Variants in HIP1 observed in about 807,000 individuals in gnomAD.
The protein encoded by HIP1 is huntingtin interacting protein 1.
HIP1 carries 65 observed loss-of-function variants against 147.6 expected under a neutral mutation model. The observed-to-expected ratio is 0.44, with a 90% CI of 0.36 to 0.54. HIP1 has a LOEUF of 0.54. HIP1 is among the 20% of genes least tolerant of loss of function. The probability of loss-of-function intolerance (pLI) is 0.00; values close to 1 mark genes in which losing one functional copy is unlikely to be tolerated. For synonymous variants in HIP1, 479 were observed against 504.0 expected (o/e 0.95, Z 0.67); for missense variants, 1,061 against 1,299.6 (o/e 0.82, Z 2.82).
chr7:75,687,146 C>G (rs1017465766), intron 1 of HIP1, among the ~76,000 whole-genome samples: 9 of 152,096 alleles, frequency 5.9e-5, no homozygotes, highest in Non-Finnish European at 1.2e-4. Flanking sequence ...ACAAAACATC[C>G]CTAATGAAAG....
At chr7:75,576,501 T>C (rs1413390905) in intron 7 of HIP1, among the ~76,000 whole-genome samples, 1 of 151,932 alleles carries the variant, frequency 6.6e-6, no homozygotes, top group Admixed American at 6.6e-5. Flanking sequence ...GTGGGAGGAC[T>C]GCTTGAGGTC....
chr7:75,566,366 G>A (rs781848603), intron 9 of HIP1, among the ~76,000 whole-genome samples: 3 of 151,614 alleles, frequency 2.0e-5, no homozygotes, highest in Non-Finnish European at 2.9e-5. Flanking sequence ...AGCCAGCAGC[G>A]GAGGTCCTGT....
In HIP1 at chr7:75,573,783, C is replaced by T. The variant is rs782320546; in HGVS notation, c.723G>A (p.Lys241=). Residue 241 remains lysine (K), a synonymous_variant, in exon 8 of 31, where the codon AAG becomes AAA. Transcript: ENST00000336926. ...DCSHLYDYTV[K]LLFKLHSCLP... ...CACAGGAGTGGAGTTTGAAGAGAAG[C>T]TTGACAGTGTAGTCATAAAGGTGGC... is the stretch of plus-strand genomic sequence containing the variant. 5 of 1,613,986 alleles carry T rather than the reference C, an allele frequency of 3.1e-6. No individual in the cohort carries two copies. The highest frequency in any genetic ancestry group is 4.2e-6 in the Non-Finnish European group (5 of 1,179,996).
chr7:75,561,088 G>A (rs1226183504), intron 13 of HIP1, among the ~76,000 whole-genome samples: 2 of 151,968 alleles, frequency 1.3e-5, no homozygotes, highest in East Asian at 3.9e-4. Context: ...GAGTAGCTGG[G>A]ATTACAGGTG....
At chr7:75,633,423 G>GC (rs1458618168) in intron 1 of HIP1, among the ~76,000 whole-genome samples, 10 of 152,116 alleles carry the variant, frequency 6.6e-5, no homozygotes, top group Non-Finnish European at 1.2e-4. Flanking sequence ...CTCCCGAGCA[G>GC]CTGGGATTAC....
chr7:75,656,965 A>C (rs1331765905), intron 1 of HIP1, among the ~76,000 whole-genome samples: 1 of 152,240 alleles, frequency 6.6e-6, no homozygotes, highest in Non-Finnish European at 1.5e-5. Flanking sequence ...AGCCACGTTC[A>C]AGGACATTCC....
intron 8 of HIP1, among the ~76,000 whole-genome samples, chr7:75,571,886 G>GAC (rs1795649749): frequency 6.6e-6 from 1 of 151,906 alleles, no homozygotes; most frequent in Non-Finnish European, 1.5e-5. Context: ...GCCCACCCCA[G>GAC]ACACATCATT....
chr7:75,732,426 A>C (rs998790002), intron 1 of HIP1, among the ~76,000 whole-genome samples: 6 of 151,936 alleles, frequency 3.9e-5, no homozygotes, highest in Non-Finnish European at 8.8e-5. Flanking sequence ...TCTGGAGTGC[A>C]GTGGTGTGAT....
In HIP1 at chr7:75,738,852, C is replaced by A. The variant is rs1554523974; in HGVS notation, c.69G>T (p.Gly23=). ...NPLPKVLSRR[G]VGAGLEAAER... is the part of the protein sequence containing the mutation. Reference sequence around the variant, plus strand: ...CCGCCGCCTCCAGCCCAGCGCCGACCCCGCGCCGGCTCAGCACCTTGGGCA... The same window carrying A: ...CCGCCGCCTCCAGCCCAGCGCCGACACCGCGCCGGCTCAGCACCTTGGGCA... Residue 23 remains glycine, a synonymous_variant, in exon 1 of 31, where the codon GGG becomes GGT. Transcript: ENST00000336926. 6.3e-7 allele frequency: 1 copy of A among 1,589,330 alleles called. No individual in the cohort carries two copies. Among genetic ancestry groups the A allele is most frequent in the Admixed American group, 1.7e-5 (1 of 57,482 alleles).
intron 1 of HIP1, among the ~76,000 whole-genome samples, chr7:75,706,473 C>CTTTTTTTTTTTTTT (rs139655610): frequency 2.2e-5 from 3 of 138,080 alleles, no homozygotes; most frequent in Non-Finnish European, 3.1e-5. Flanking sequence ...TATATATCTT[C>CTTTTTTTTTTTTTT]TTTTTTTTTA....
intron 4 of HIP1, among the ~76,000 whole-genome samples, chr7:75,591,110 A>T (rs1796486828): frequency 6.7e-6 from 1 of 149,904 alleles, no homozygotes. Flanking sequence ...TTGGCTCACC[A>T]CAACCTTCGC....
chr7:75,554,528 T>C lies in HIP1; in HGVS notation c.1964-2A>G. 3 of 1,612,406 alleles carry C rather than the reference T, an allele frequency of 1.9e-6. No homozygotes were observed. Among genetic ancestry groups the C allele is most frequent in the Non-Finnish European group, 2.5e-6 (3 of 1,178,674 alleles). Reference sequence around the variant, plus strand: ...ATGTGACCGTGGAGAGGAGGTGATCTGTGAGAGGGAACACAGGGCAAGGTC... The same window carrying C: ...ATGTGACCGTGGAGAGGAGGTGATCCGTGAGAGGGAACACAGGGCAAGGTC... On this transcript the variant is annotated splice_acceptor_variant, in intron 19 of 30. Coordinates refer to ENST00000336926, the MANE Select transcript of HIP1 (RefSeq NM_005338.7). LOFTEE classifies it high-confidence loss of function.
chr7:75,632,535 A>C (rs1197101225), intron 1 of HIP1, among the ~76,000 whole-genome samples: 1 of 150,174 alleles, frequency 6.7e-6, no homozygotes, highest in East Asian at 2.0e-4. Flanking sequence ...TTACAGGCGC[A>C]CACCACCATG....
At chr7:75,679,719 G>A (rs1038106077) in intron 1 of HIP1, among the ~76,000 whole-genome samples, 10 of 151,854 alleles carry the variant, frequency 6.6e-5, no homozygotes, top group East Asian at 1.9e-4. Flanking sequence ...AAATGTTGGC[G>A]TCCTCAAGGT....
chr7:75,594,572 A>G (rs1216771960), intron 2 of HIP1, among the ~76,000 whole-genome samples: 3 of 152,048 alleles, frequency 2.0e-5, no homozygotes, highest in East Asian at 1.9e-4. Context: ...TCAGGAGATC[A>G]AGACCAGCCT....
chr7:75,686,233 A>G (rs1261571165), intron 1 of HIP1, among the ~76,000 whole-genome samples: 1 of 152,280 alleles, frequency 6.6e-6, no homozygotes, highest in East Asian at 1.9e-4. Context: ...TTTTATTGAC[A>G]AGGTTGTCAA....
intron 1 of HIP1, chr7:75,733,641 C>T (rs1801916914): frequency 6.5e-6 from 1 of 153,890 alleles, no homozygotes; most frequent in East Asian, 1.9e-4. Flanking sequence ...GGAGGCAAGG[C>T]TTCCTGGAGG....
At chr7:75,579,203 C>T (rs772669430) in intron 7 of HIP1, among the ~76,000 whole-genome samples, 16 of 152,114 alleles carry the variant, frequency 1.1e-4, no homozygotes, top group Non-Finnish European at 1.6e-4. Flanking sequence ...CTAGATTCTG[C>T]GTTTTATTTT....
chr7:75,716,665 G>A (rs566439694), intron 1 of HIP1, among the ~76,000 whole-genome samples: 49 of 151,604 alleles, frequency 3.2e-4, no homozygotes, highest in Admixed American at 1.1e-3. Context: ...GACTATAGGC[G>A]CCCACCAACA....
Sources: gnomAD v4.1 joint callset for allele counts (sites outside exome capture counted in the v4.1 genomes callset) on GRCh38, gnomAD v4.1.1 for gene constraint, MANE v1.5 for transcripts, NCBI Gene and HGNC (gene_info 2026-07-23, HGNC 2026-07-21) for gene names.